The following SLC9A8 variants were observed in gnomAD, a reference collection of about 807,000 sequenced individuals.
SLC9A8 encodes the protein solute carrier family 9 member A8, also known as sodium/hydrogen exchanger 8.
In SLC9A8, 48 loss-of-function variants were observed where a neutral mutation model predicts 66.6. That is an observed-to-expected ratio of 0.72 (90% CI 0.57 to 0.92). The LOEUF (loss-of-function observed/expected upper bound fraction) is 0.92. Ranked by LOEUF, SLC9A8 falls within the 40% of genes least tolerant of loss-of-function variation. The probability of loss-of-function intolerance (pLI) is 0.00; values close to 1 mark genes in which losing one functional copy is unlikely to be tolerated. For missense variants in SLC9A8, 599 were observed against 747.3 expected (o/e 0.80, Z 2.31); for synonymous variants, 274 against 282.6 (o/e 0.97, Z 0.31).
intron 11 of SLC9A8, among the ~76,000 whole-genome samples, chr20:49,876,159 A>G (rs1414378279): frequency 6.6e-6 from 1 of 152,166 alleles, no homozygotes; most frequent in Non-Finnish European, 1.5e-5. Flanking sequence ...TGACTTGCCC[A>G]TGGTCTCATG....
Position 49,883,992 on chromosome 20 carries a change from C to T in SLC9A8, c.1417C>T (p.Leu473Phe), listed in dbSNP as rs1240244075. ...LGGSTMPLIR[L>F]MDIEDAKAHR... Reference sequence around the variant, plus strand: ...CGGCAGCACCATGCCCCTCATTCGCCTCATGGACATCGAGGACGCCAAGGC... The same window carrying T: ...CGGCAGCACCATGCCCCTCATTCGCTTCATGGACATCGAGGACGCCAAGGC... Residue 473 changes from leucine to phenylalanine, a missense_variant, in exon 14 of 16, where the codon CTC (leucine) becomes TTC (phenylalanine). By Grantham distance (22) the Leu-to-Phe change is conservative. Coordinates refer to ENST00000361573, the MANE Select transcript of SLC9A8 (RefSeq NM_015266.3). 6 of 1,613,540 alleles carry T rather than the reference C, an allele frequency of 3.7e-6. No homozygotes were observed. The highest frequency in any genetic ancestry group is 4.2e-6 in the Non-Finnish European group (5 of 1,180,024).
chr20:49,874,886 G>GT, intron 11 of SLC9A8, 65 bp downstream of exon 11: 2 of 1,123,774 alleles, frequency 1.8e-6, no homozygotes, highest in South Asian at 2.5e-5. Context: ...TCCTTATCCT[G>GT]TTTGAGAAGT....
chr20:49,859,391 A>C (rs1359249818), intron 8 of SLC9A8, among the ~76,000 whole-genome samples: 1 of 152,148 alleles, frequency 6.6e-6, no homozygotes, highest in Non-Finnish European at 1.5e-5. Context: ...TCTCAGAAGG[A>C]ACGTCTTGTG....
chr20:49,867,630 C>T (rs2089029947), intron 10 of SLC9A8, among the ~76,000 whole-genome samples: 1 of 152,246 alleles, frequency 6.6e-6, no homozygotes, highest in African/African-American at 2.4e-5. Context: ...GGACAGCCCT[C>T]TTAAAGCCTC....
chr20:49,859,875 C>A (rs1352366538), intron 8 of SLC9A8, among the ~76,000 whole-genome samples: 1 of 152,126 alleles, frequency 6.6e-6, no homozygotes, highest in East Asian at 1.9e-4. Flanking sequence ...GAAACATGAC[C>A]TTAAGAAACA....
chr20:49,866,193 G>A (rs923106034), intron 10 of SLC9A8, among the ~76,000 whole-genome samples: 4 of 152,174 alleles, frequency 2.6e-5, no homozygotes, highest in African/African-American at 9.7e-5. Flanking sequence ...CATGTGGTAC[G>A]TAGTCTTTTG....
At chr20:49,858,237 A>G (rs2146651317) in intron 8 of SLC9A8, among the ~76,000 whole-genome samples, 1 of 151,992 alleles carries the variant, frequency 6.6e-6, no homozygotes, top group Non-Finnish European at 1.5e-5. Context: ...TGGCTTTTTC[A>G]TGTTTCTCTT....
chr20:49,828,398 T>TA (rs1253113566), intron 3 of SLC9A8, among the ~76,000 whole-genome samples: 7 of 151,526 alleles, frequency 4.6e-5, no homozygotes, highest in African/African-American at 7.2e-5. Flanking sequence ...TATATATATA[T>TA]TTTTTAGTAG....
At chr20:49,873,846 A>C (rs2089313394) in intron 10 of SLC9A8, among the ~76,000 whole-genome samples, 1 of 149,648 alleles carries the variant, frequency 6.7e-6, no homozygotes, top group Non-Finnish European at 1.5e-5. Flanking sequence ...TCTGCCCCCC[A>C]GAGTGGTTTG....
intron 11 of SLC9A8, 79 bp downstream of exon 11, chr20:49,874,900 T>C: frequency 1.0e-6 from 1 of 986,522 alleles, no homozygotes; most frequent in Non-Finnish European, 1.6e-6. Flanking sequence ...GAGAAGTCAG[T>C]TGAGACTTTC....
intron 14 of SLC9A8, chr20:49,884,276 C>CACACACACATG (rs2089781658): frequency 6.3e-6 from 1 of 158,620 alleles, no homozygotes; most frequent in African/African-American, 9.7e-5. Context: ...ACACACACGA[C>CACACACACATG]ACACACACAC....
intron 3 of SLC9A8, chr20:49,830,720 C>T: frequency 1.4e-6 from 1 of 698,688 alleles, no homozygotes; most frequent in Non-Finnish European, 2.6e-6. Context: ...GTGAAGTTGG[C>T]AACGCAGCCA....
At position 49,880,914 on chromosome 20, in the gene SLC9A8, CT is replaced by C. The variant is rs547987825; in HGVS notation, c.1159-9del. ...TTTTCACCTAAGACTTAGTTTGTTG[CT>C]ATCAACAGGTGCTTGTACTATTTGG... On this transcript the variant is annotated splice_polypyrimidine_tract_variant and intron_variant, in intron 12 of 15. Transcript: ENST00000361573. 1.3e-4 allele frequency: 206 copies of C among 1,580,940 alleles called. No homozygotes were observed. The African/African-American group carries it at 2.5e-3, about 19-fold the overall frequency.
intron 3 of SLC9A8, among the ~76,000 whole-genome samples, chr20:49,824,732 A>G (rs2086855517): frequency 6.6e-6 from 1 of 152,170 alleles, no homozygotes; most frequent in Non-Finnish European, 1.5e-5. Context: ...CTTCCTTGAA[A>G]ATAGAACCCC....
intron 11 of SLC9A8, among the ~76,000 whole-genome samples, chr20:49,875,540 C>T (rs1236841721): frequency 2.6e-5 from 4 of 152,160 alleles, no homozygotes; most frequent in Non-Finnish European, 5.9e-5. Flanking sequence ...GGATAAACCA[C>T]GATGGCTTTG....
chr20:49,886,720 T>C lies in SLC9A8; in HGVS notation c.1492-32T>C. 6.2e-7 allele frequency: 1 copy of C among 1,601,432 alleles called. No individual in the cohort carries two copies. The highest frequency in any genetic ancestry group is 8.5e-7 in the Non-Finnish European group (1 of 1,172,668). On this transcript the variant is annotated intron_variant, in intron 14 of 15. Transcript: ENST00000361573. The surrounding 1 kb of genome is among the most constrained non-coding windows in gnomAD (Gnocchi z 4.8). ...GGTGCCCCCCGATGGTGCCAGCTGG[T>C]GGCCGTCGGGCCGCCTTTCCTCCCT...
At chr20:49,858,699 T>C (rs916116579) in intron 8 of SLC9A8, among the ~76,000 whole-genome samples, 3 of 152,110 alleles carry the variant, frequency 2.0e-5, no homozygotes, top group Non-Finnish European at 4.4e-5. Flanking sequence ...GGCTCATGCC[T>C]GTAATCCCAG....
chr20:49,820,189 GGTTTTAAAAAAATGATAGA>G (rs2086683106), intron 2 of SLC9A8, among the ~76,000 whole-genome samples: 1 of 152,084 alleles, frequency 6.6e-6, no homozygotes, highest in Non-Finnish European at 1.5e-5. Context: ...CTTGTTTTCT[GGTTTTAAAAAAATGATAGA>G]CTGGGCGTGG....
rs141428997 is a variant in SLC9A8 at position 49,856,192 on chromosome 20, C to A, written c.713+611C>A. 4.0e-3 allele frequency among the ~76,000 whole-genome samples: 609 copies of A among 152,284 alleles called. 6 individuals are homozygous for A. The highest frequency in any genetic ancestry group is 0.014 in the African/African-American group (589 of 41,560). On this transcript the variant is annotated intron_variant, in intron 8 of 15. Transcript: ENST00000361573. ...TTAAGTGTGACATTCCTAGGCCCCA[C>A]CCTCAGAGCTTCTGATTCATTTGGT...
Sources: gnomAD v4.1 joint callset for allele counts (sites outside exome capture counted in the v4.1 genomes callset) on GRCh38, gnomAD v4.1.1 for gene constraint, Gnocchi (gnomAD v3.1) non-coding constraint, MANE v1.5 for transcripts, NCBI Gene and HGNC (gene_info 2026-07-23, HGNC 2026-07-21) for gene names.